Variants in ROCK1 observed in about 807,000 individuals in gnomAD.
ROCK1 encodes rho-associated protein kinase 1.
ROCK1 carries 36 observed loss-of-function variants against 196.8 expected under a neutral mutation model. That is an observed-to-expected ratio of 0.18 (90% CI 0.14 to 0.24). The LOEUF (loss-of-function observed/expected upper bound fraction) is 0.24. Among genes scored for constraint, ROCK1 ranks in the 10% least tolerant of loss-of-function variants. ROCK1 has a pLI of 1.00. For missense variants in ROCK1, 920 were observed against 1,562.0 expected, an observed-to-expected ratio of 0.59 and a Z score of 6.93; for synonymous variants, 443 against 515.9, an observed-to-expected ratio of 0.86 and a Z score of 1.91.
intron 13 of ROCK1, among the ~76,000 whole-genome samples, chr18:21,011,323 T>C (rs1039972548): frequency 6.6e-6 from 1 of 152,246 alleles, no homozygotes; most frequent in African/African-American, 2.4e-5. Context: ...TGTATCTCCT[T>C]GTAAGGCCTT....
At chr18:20,984,328 A>G (rs1440520212) in intron 20 of ROCK1, 23 bp downstream of exon 20, 1 of 1,546,554 alleles carries the variant, frequency 6.5e-7, no homozygotes, top group Non-Finnish European at 8.8e-7. Flanking sequence ...GAAAGAAATC[A>G]CAATGTTATT....
intron 1 of ROCK1, among the ~76,000 whole-genome samples, chr18:21,106,144 C>G (rs1283807872): frequency 1.3e-5 from 2 of 152,168 alleles, no homozygotes; most frequent in Non-Finnish European, 2.9e-5. Flanking sequence ...TCCGCTCACC[C>G]GTTGCTACAC....
intron 14 of ROCK1, 68 bp from the exon 15 acceptor site, chr18:21,006,858 T>G: frequency 8.7e-7 from 1 of 1,147,156 alleles, no homozygotes; most frequent in Non-Finnish European, 1.2e-6. Context: ...AAATCCTTTT[T>G]TAAAAAAAGA....
At chr18:20,959,338 A>G (rs1285983972) in intron 29 of ROCK1, among the ~76,000 whole-genome samples, 6 of 144,792 alleles carry the variant, frequency 4.1e-5, no homozygotes, top group African/African-American at 1.3e-4. Context: ...CAGCCTTCTG[A>G]GTAGCTGGGA....
chr18:20,967,224 G>GA, intron 26 of ROCK1, 148 bp from the exon 27 acceptor site: 1 of 556,392 alleles, frequency 1.8e-6, no homozygotes, highest in Non-Finnish European at 3.1e-6. Flanking sequence ...ATACACTACA[G>GA]AAATGTCAAG....
chr18:21,033,828 C>T (rs2036031305), intron 9 of ROCK1, among the ~76,000 whole-genome samples: 1 of 123,370 alleles, frequency 8.1e-6, no homozygotes, highest in South Asian at 2.7e-4. Flanking sequence ...ACCATCCTGG[C>T]TAACTCAGTG....
intron 1 of ROCK1, among the ~76,000 whole-genome samples, chr18:21,110,103 T>C (rs2036737303): frequency 6.6e-6 from 1 of 152,182 alleles, no homozygotes. Context: ...AATGGGATTG[T>C]GGTTTTTCAT....
In ROCK1 at chr18:21,056,252, A is replaced by C. The variant is rs867212029; in HGVS notation, c.176-6372T>G. Among the ~76,000 whole-genome samples the C allele has an allele frequency of 3.9e-5, 6 of 152,170 alleles. No individual in the cohort carries two copies. In the South Asian group the frequency reaches 1.0e-3, roughly 26 times the overall value. ...GTCTACATGTCTCTCTTAAACTTCAAACTTATCTATTCAATTACTTTCAAA... is the reference window on the plus strand; with the variant it reads ...GTCTACATGTCTCTCTTAAACTTCACACTTATCTATTCAATTACTTTCAAA... On this transcript the variant is annotated intron_variant, in intron 2 of 32. Transcript: ENST00000399799.
Position 21,042,426 on chromosome 18 carries a change from C to T in ROCK1, c.820+139G>A, listed in dbSNP as rs183461859. On this transcript the variant is annotated intron_variant, in intron 7 of 32. Coordinates refer to ENST00000399799, the MANE Select transcript of ROCK1 (RefSeq NM_005406.3). Reference sequence around the variant, plus strand: ...CTCTAAATGCTTTTAAAAACACATACGAAGCAGGTTTGGATCATGTTTATT... The same window carrying T: ...CTCTAAATGCTTTTAAAAACACATATGAAGCAGGTTTGGATCATGTTTATT... The T allele has an allele frequency of 1.4e-3, 1,448 of 1,066,694 alleles. 5 individuals carry two copies. Among genetic ancestry groups the T allele is most frequent in the African/African-American group, 1.5e-3 (95 of 61,922 alleles). 66.1% of individuals were successfully genotyped at this position (1,066,694 alleles called of 1,614,324 possible). A position where few individuals can be genotyped will look rare whatever the true frequency, so the allele number is the denominator to read the frequency against.
intron 16 of ROCK1, among the ~76,000 whole-genome samples, chr18:20,996,098 C>T (rs758145243): frequency 1.3e-5 from 2 of 152,108 alleles, no homozygotes; most frequent in Non-Finnish European, 2.9e-5. Flanking sequence ...CCTGGAGAGA[C>T]AGAGATATAA....
At position 21,111,100 on chromosome 18, in the gene ROCK1, C is replaced by T; in HGVS notation, c.-190G>A. On this transcript the variant is annotated 5_prime_UTR_variant, in exon 1 of 33. Transcript: ENST00000399799. The surrounding 1 kb of genome is among the most constrained non-coding windows in gnomAD (Gnocchi z 4.2). ...CGCTCTCCAGACCCCGGGCCGGGGGCAACAGCGACCCACAGCCGCTCGGAC... is the reference window on the plus strand; with the variant it reads ...CGCTCTCCAGACCCCGGGCCGGGGGTAACAGCGACCCACAGCCGCTCGGAC... The T allele has an allele frequency of 1.7e-6, 1 of 596,536 alleles. No homozygotes were observed. Among genetic ancestry groups the T allele is most frequent in the Non-Finnish European group, 3.0e-6 (1 of 336,918 alleles). 37.0% of individuals were successfully genotyped at this position (596,536 alleles called of 1,614,324 possible). A position where few individuals can be genotyped will look rare whatever the true frequency, so the allele number is the denominator to read the frequency against.
chr18:21,000,486 C>A (rs1393471374), intron 16 of ROCK1, among the ~76,000 whole-genome samples: 1 of 152,144 alleles, frequency 6.6e-6, no homozygotes, highest in Non-Finnish European at 1.5e-5. Flanking sequence ...TGGACTCAAA[C>A]TCCTGAGCTT....
chr18:21,061,675 A>G (rs2036292509), intron 2 of ROCK1, among the ~76,000 whole-genome samples: 1 of 152,244 alleles, frequency 6.6e-6, no homozygotes, highest in Admixed American at 6.5e-5. Context: ...ATCTAAATGT[A>G]TGACTAACAA....
At chr18:21,015,388 G>GA in intron 13 of ROCK1, 43 bp downstream of exon 13, 16 of 1,305,498 alleles carry the variant, frequency 1.2e-5, no homozygotes, top group Non-Finnish European at 1.4e-5. Context: ...TTGAAAGAGG[G>GA]AAAAATCTCA....
intron 16 of ROCK1, among the ~76,000 whole-genome samples, chr18:21,000,989 CA>C (rs1415479903): frequency 1.3e-5 from 2 of 151,880 alleles, no homozygotes; most frequent in Non-Finnish European, 2.9e-5. Flanking sequence ...TTACAATAGC[CA>C]AAAGGTGGAA....
intron 13 of ROCK1, among the ~76,000 whole-genome samples, chr18:21,014,997 A>C (rs574679758): frequency 1.3e-5 from 2 of 152,258 alleles, no homozygotes; most frequent in Non-Finnish European, 2.9e-5. Context: ...GGAAAAGATG[A>C]ACATTCTAAA....
chr18:20,972,532 G>C (rs759154422), intron 22 of ROCK1, among the ~76,000 whole-genome samples: 1 of 152,170 alleles, frequency 6.6e-6, no homozygotes, highest in Non-Finnish European at 1.5e-5. Flanking sequence ...AACTTTTAAC[G>C]GTCTCAGCAA....
intron 2 of ROCK1, among the ~76,000 whole-genome samples, chr18:21,060,443 T>G (rs957199587): frequency 1.3e-5 from 2 of 152,210 alleles, no homozygotes; most frequent in African/African-American, 2.4e-5. Flanking sequence ...TATAGCCACT[T>G]TGGAAGACAG....
At chr18:21,085,399 G>A in intron 1 of ROCK1, among the ~76,000 whole-genome samples, 1 of 147,688 alleles carries the variant, frequency 6.8e-6, no homozygotes. Context: ...CAATTTTTAA[G>A]GGCATTATTA....
Sources: gnomAD v4.1 joint callset for allele counts (sites outside exome capture counted in the v4.1 genomes callset) on GRCh38, gnomAD v4.1.1 for gene constraint, Gnocchi (gnomAD v3.1) non-coding constraint, MANE v1.5 for transcripts, NCBI Gene and HGNC (gene_info 2026-07-23, HGNC 2026-07-21) for gene names.